THBS4: variants seen among roughly 807,000 people sequenced by gnomAD.
THBS4 encodes thrombospondin 4, also known as thrombospondin-4.
In THBS4, 90 loss-of-function variants were observed where a neutral mutation model predicts 115.7. The observed-to-expected ratio is 0.78, with a 90% CI of 0.66 to 0.93. The LOEUF is 0.93. Ranked by LOEUF, THBS4 falls within the 40% of genes least tolerant of loss-of-function variation. The probability of loss-of-function intolerance (pLI) is 0.00; values close to 1 mark genes in which losing one functional copy is unlikely to be tolerated. For synonymous variants in THBS4, 460 were observed against 479.3 expected (o/e 0.96, Z 0.53); for missense variants, 1,087 against 1,232.7 (o/e 0.88, Z 1.77).
rs1406290180 is a variant in THBS4, at chr5:80,065,322, CA to C, written c.1126-84del. 1.2e-5 allele frequency: 15 copies of C among 1,253,018 alleles called. No individual in the cohort carries two copies. In the East Asian group the frequency reaches 2.7e-4, roughly 22 times the overall value. The allele number at this position is 1,253,018 out of a possible 1,614,324, so 77.6% of individuals were successfully genotyped here. A position where few individuals can be genotyped will look rare whatever the true frequency, so the allele number is the denominator to read the frequency against. ...CGAAATTCCGCATCTTCACTTCACACAAAGATAGCAAAACAAAGGAGATTTA... is the reference window on the plus strand; with the variant it reads ...CGAAATTCCGCATCTTCACTTCACACAAGATAGCAAAACAAAGGAGATTTA... On this transcript the variant is annotated intron_variant, in intron 8 of 21. Transcript: ENST00000350881.
chr5:80,037,676 T>C (rs1458842224), intron 1 of THBS4, among the ~76,000 whole-genome samples: 1 of 152,234 alleles, frequency 6.6e-6, no homozygotes, highest in Admixed American at 6.5e-5. Flanking sequence ...AACCTGATCA[T>C]AGTCAAAGGA....
At chr5:80,002,659 G>T (rs1419269320) in intron 2 of THBS4, among the ~76,000 whole-genome samples, 2 of 150,140 alleles carry the variant, frequency 1.3e-5, no homozygotes, top group African/African-American at 4.9e-5. Context: ...AGAAGAAATT[G>T]TCCAAGCAGT....
chr5:80,004,099 C>T (rs746122554), intron 2 of THBS4, among the ~76,000 whole-genome samples: 1 of 152,144 alleles, frequency 6.6e-6, no homozygotes, highest in Admixed American at 6.5e-5. Context: ...TAGTCAGATT[C>T]CTCAGTTTCC....
intron 2 of THBS4, among the ~76,000 whole-genome samples, chr5:80,042,240 G>T (rs1483980784): frequency 1.3e-5 from 2 of 152,156 alleles, no homozygotes; most frequent in Admixed American, 6.5e-5. Flanking sequence ...GAATCAAACA[G>T]CCCCATTTTG....
chr5:80,032,369 A>G (rs1371324588), upstream of THBS4, among the ~76,000 whole-genome samples: 1 of 152,172 alleles, frequency 6.6e-6, no homozygotes, highest in Non-Finnish European at 1.5e-5. Context: ...TAGTCAACCA[A>G]AATTTATTGT....
At chr5:80,017,095 A>C (rs1424638453) in intron 2 of THBS4, among the ~76,000 whole-genome samples, 2 of 152,248 alleles carry the variant, frequency 1.3e-5, no homozygotes, top group East Asian at 1.9e-4. Context: ...AGGAGGAATT[A>C]GAATTACAAA....
chr5:80,026,532 G>T (rs953729155), intron 2 of THBS4, among the ~76,000 whole-genome samples: 1 of 152,176 alleles, frequency 6.6e-6, no homozygotes, highest in Non-Finnish European at 1.5e-5. Flanking sequence ...TGAGCCCTTC[G>T]CAGGCCACAT....
At chr5:80,083,018 G>T (rs1036697504) in intron 21 of THBS4, 62 bp from the exon 22 acceptor site, 2 of 1,482,836 alleles carry the variant, frequency 1.3e-6, no homozygotes, top group Non-Finnish European at 1.9e-6. Flanking sequence ...GCCGCGGGCG[G>T]GGGTCCGGGG....
chr5:80,018,049 A>G (rs1185357415), intron 2 of THBS4, among the ~76,000 whole-genome samples: 2 of 152,018 alleles, frequency 1.3e-5, no homozygotes, highest in Non-Finnish European at 2.9e-5. Context: ...GTGCCAAGGA[A>G]TTATTTTATT....
chr5:80,054,159 CT>C (rs757155578), intron 2 of THBS4, among the ~76,000 whole-genome samples: 202 of 88,558 alleles, frequency 2.3e-3, no homozygotes, highest in Non-Finnish European at 3.9e-3. Context: ...CTTTTCTTTT[CT>C]TTTTTTTTTT....
chr5:80,070,290 G>A lies in THBS4; in HGVS notation c.1348-16G>A, dbSNP rs975134715. The stretch of plus-strand genomic sequence containing the variant: ...GGCTCAGCTTCCCAGGCCTCTGATG[G>A]GCTTTCCCTTTACAGTGTGGAGTCG... On this transcript the variant is annotated splice_polypyrimidine_tract_variant and intron_variant, in intron 10 of 21. Coordinates refer to ENST00000350881, the MANE Select transcript of THBS4 (RefSeq NM_003248.6). 6.4e-7 allele frequency: 1 copy of A among 1,552,460 alleles called. No individual in the cohort carries two copies. The highest frequency in any genetic ancestry group is 8.7e-7 in the Non-Finnish European group (1 of 1,154,506).
intron 2 of THBS4, among the ~76,000 whole-genome samples, chr5:80,012,045 A>C (rs771901694): frequency 4.5e-4 from 69 of 152,236 alleles, no homozygotes; most frequent in South Asian, 6.2e-4. Context: ...GAATGACAGA[A>C]TATTCTGTGC....
At chr5:80,038,305 C>G (rs879675703) in intron 1 of THBS4, among the ~76,000 whole-genome samples, 1 of 151,532 alleles carries the variant, frequency 6.6e-6, no homozygotes, top group Non-Finnish European at 1.5e-5. Flanking sequence ...AATGGAATTA[C>G]GTTATACATA....
chr5:80,072,010 C>T, intron 13 of THBS4: 1 of 399,740 alleles, frequency 2.5e-6, no homozygotes, highest in Non-Finnish European at 4.7e-6. Context: ...GCCATACAGC[C>T]ATCATGATCC....
At chr5:80,011,923 A>G (rs980466782) in intron 2 of THBS4, among the ~76,000 whole-genome samples, 3 of 152,156 alleles carry the variant, frequency 2.0e-5, no homozygotes, top group African/African-American at 7.2e-5. Context: ...CAGTAATTGT[A>G]TTGACCCAAG....
intron 1 of THBS4, among the ~76,000 whole-genome samples, chr5:79,995,980 A>AG (rs1321170549): frequency 6.6e-6 from 1 of 151,146 alleles, no homozygotes; most frequent in East Asian, 1.9e-4. Context: ...ACTAAAAAAA[A>AG]AAAAAAATTA....
At chr5:80,021,942 C>T (rs1430803456) in intron 2 of THBS4, among the ~76,000 whole-genome samples, 1 of 152,136 alleles carries the variant, frequency 6.6e-6, no homozygotes, top group Non-Finnish European at 1.5e-5. Flanking sequence ...CTCCTCTACT[C>T]CACAGCCAAA....
Position 80,068,067 on chromosome 5 carries a change from A to G in THBS4, c.1289A>G (p.Asn430Ser), listed in dbSNP as rs1392470982. Reference protein sequence around the residue: ...AERNCRNPELNPCSVNAQCIE... With the variant: ...AERNCRNPELSPCSVNAQCIE... ...AGAAACTGCAGAAACCCAGAGCTGAACCCTTGCAGTGTGAATGCCCAGTGC... is the reference window on the plus strand; with the variant it reads ...AGAAACTGCAGAAACCCAGAGCTGAGCCCTTGCAGTGTGAATGCCCAGTGC... Residue 430 changes from asparagine to serine, a missense_variant, in exon 10 of 22, where the codon AAC becomes AGC. Physicochemically the swap from Asn to Ser is conservative, Grantham distance 46. Around this residue, in one of 3 missense-constraint regions of THBS4, gnomAD observed 979 missense variants for 1,103.7 expected, o/e 0.89. Coordinates refer to ENST00000350881, the MANE Select transcript of THBS4 (RefSeq NM_003248.6). 1.2e-6 allele frequency: 2 copies of G among 1,614,074 alleles called. No homozygotes were observed. Among genetic ancestry groups the G allele is most frequent in the Admixed American group, 3.3e-5 (2 of 60,006 alleles).
chr5:80,049,414 A>C (rs1833180947), intron 2 of THBS4, among the ~76,000 whole-genome samples: 1 of 151,882 alleles, frequency 6.6e-6, no homozygotes, highest in South Asian at 2.1e-4. Context: ...CGCCCACCTA[A>C]TTTTTTTTGT....
Sources: allele counts gnomAD v4.1 joint callset (sites outside exome capture counted in the v4.1 genomes callset), GRCh38; gene constraint gnomAD v4.1.1; regional missense constraint gnomAD v4.1.1; transcripts MANE v1.5; gene names NCBI Gene and HGNC (gene_info 2026-07-23, HGNC 2026-07-21).